The following FAM120A variants were observed in gnomAD, a reference collection of about 807,000 sequenced individuals.
FAM120A encodes the protein constitutive coactivator of PPAR-gamma-like protein 1.
Under a neutral mutation model 109.7 loss-of-function variants are expected in FAM120A, and 15 were observed. That is an observed-to-expected ratio of 0.14 (90% confidence interval 0.09 to 0.21). The LOEUF is 0.21. Among genes scored for constraint, FAM120A ranks in the 10% least tolerant of loss-of-function variants. The probability of loss-of-function intolerance (pLI) is 1.00; values close to 1 mark genes in which losing one functional copy is unlikely to be tolerated. For synonymous variants in FAM120A, 493 were observed against 572.8 expected (o/e 0.86, Z 1.99); for missense variants, 899 against 1,439.3 (o/e 0.62, Z 6.07).
chr9:93,465,221 ATTGTATTGTCT>A (rs1386057309), intron 1 of FAM120A, among the ~76,000 whole-genome samples: 1 of 152,184 alleles, frequency 6.6e-6, no homozygotes, highest in Admixed American at 6.5e-5. Context: ...CAAACCTTGC[ATTGTATTGTCT>A]TTTTACCCCT....
intron 10 of FAM120A, among the ~76,000 whole-genome samples, chr9:93,542,948 A>G (rs919344614): frequency 1.3e-5 from 2 of 152,254 alleles, no homozygotes; most frequent in Admixed American, 6.5e-5. Context: ...ATTTATGCAT[A>G]CTAGTTATAT....
intron 3 of FAM120A, among the ~76,000 whole-genome samples, chr9:93,493,439 G>T (rs1859423557): frequency 6.6e-6 from 1 of 152,192 alleles, no homozygotes; most frequent in African/African-American, 2.4e-5. Flanking sequence ...AGGGCCCAAA[G>T]ATGTGGAATC....
chr9:93,525,845 C>G (rs937907378), intron 7 of FAM120A, among the ~76,000 whole-genome samples: 2 of 152,206 alleles, frequency 1.3e-5, no homozygotes, highest in African/African-American at 4.8e-5. Context: ...TCTCCAAGCT[C>G]CATGAAGACC....
chr9:93,534,540 C>T (rs1007911736), intron 10 of FAM120A, among the ~76,000 whole-genome samples: 4 of 152,140 alleles, frequency 2.6e-5, no homozygotes, highest in African/African-American at 9.7e-5. Context: ...GGCACTGGGT[C>T]TTCTCTTGAG....
chr9:93,516,361 C>T, intron 7 of FAM120A, 92 bp downstream of exon 7: 1 of 1,560,352 alleles, frequency 6.4e-7, no homozygotes. Flanking sequence ...GTGTTTTGCT[C>T]AGAGATGTAG....
intron 7 of FAM120A, among the ~76,000 whole-genome samples, chr9:93,522,662 T>G (rs1268638131): frequency 1.3e-5 from 2 of 152,244 alleles, no homozygotes; most frequent in African/African-American, 4.8e-5. Context: ...CCTTGTGACC[T>G]TGTTTGTATA....
At position 93,564,784 on chromosome 9, in the gene FAM120A, C is replaced by T. The variant is rs1212198289; in HGVS notation, c.*244C>T. The T allele has an allele frequency of 7.4e-6, 3 of 407,762 alleles. No individual in the cohort carries two copies. Among genetic ancestry groups the T allele is most frequent in the Admixed American group, 4.0e-5 (1 of 24,754 alleles). 25.3% of individuals were successfully genotyped at this position (407,762 alleles called of 1,614,324 possible). On this transcript the variant is annotated 3_prime_UTR_variant, in exon 18 of 18. Transcript: ENST00000277165. Reference sequence around the variant, plus strand: ...AAGAAAATGAAGAGCATTTGACTCCCGCACTTAAAATGAAGTACACATAAA... The same window carrying T: ...AAGAAAATGAAGAGCATTTGACTCCTGCACTTAAAATGAAGTACACATAAA...
rs6151079 is a variant in FAM120A, at chr9:93,502,565, T to TACACACACACACACAC, written c.1030+3698_1030+3713dup. On this transcript the variant is annotated intron_variant, in intron 5 of 17. Coordinates refer to ENST00000277165, the MANE Select transcript of FAM120A (RefSeq NM_014612.5). ...AGTGTAGAGTTCTTAGGAGGACACA[T>TACACACACACACACAC]ACACACACACACACACACACACACA... is the stretch of plus-strand genomic sequence containing the variant. Among the ~76,000 whole-genome samples, 38 of 146,800 alleles carry TACACACACACACACAC rather than the reference T, an allele frequency of 2.6e-4. 1 individual carries two copies. Among genetic ancestry groups the TACACACACACACACAC allele is most frequent in the East Asian group, 4.0e-4 (2 of 5,006 alleles).
At chr9:93,488,115 G>GT (rs1859144519) in intron 3 of FAM120A, among the ~76,000 whole-genome samples, 1 of 152,052 alleles carries the variant, frequency 6.6e-6, no homozygotes, top group African/African-American at 2.4e-5. Flanking sequence ...CTTCTTGAGC[G>GT]TTTGTCATTG....
At chr9:93,540,404 T>A (rs77282503) in intron 10 of FAM120A, among the ~76,000 whole-genome samples, 6,791 of 152,302 alleles carry the variant, frequency 0.045, 515 homozygotes, top group African/African-American at 0.15. Context: ...GTTCTTGTCA[T>A]AACTGTTGCA....
At chr9:93,465,518 T>C (rs1857977535) in intron 1 of FAM120A, among the ~76,000 whole-genome samples, 1 of 152,264 alleles carries the variant, frequency 6.6e-6, no homozygotes, top group East Asian at 1.9e-4. Context: ...GTTCATCTAA[T>C]AAAGTGGTTT....
rs190900527 is a variant in FAM120A at position 93,527,699 on chromosome 9, T to G, written c.1506+457T>G. ...GTACAGTGGCGTGATCTCAGCTCAC[T>G]GAAACCTCTGCCCCCTGGGTTCAAG... is the stretch of plus-strand genomic sequence containing the variant. On this transcript the variant is annotated intron_variant, in intron 8 of 17. Coordinates refer to ENST00000277165, the MANE Select transcript of FAM120A (RefSeq NM_014612.5). Among the ~76,000 whole-genome samples, 18 of 132,516 alleles carry G rather than the reference T, an allele frequency of 1.4e-4. No individual in the cohort carries two copies. In the Admixed American group the frequency reaches 1.6e-3, roughly 12 times the overall value. 86.9% of individuals were successfully genotyped at this position (132,516 alleles called of 152,430 possible).
rs1457536233 is a variant in FAM120A at position 93,532,513 on chromosome 9, A to T, written c.1909+184A>T. ...CTTAGAAAAGGAGGAGAAGCCACAG[A>T]CTTTCTTCCTCAGTAACATTCCAAT... On this transcript the variant is annotated intron_variant, in intron 10 of 17. Transcript: ENST00000277165. The surrounding 1 kb of genome is among the most constrained non-coding windows in gnomAD (Gnocchi z 4.3). 2 of 608,884 alleles carry T rather than the reference A, an allele frequency of 3.3e-6. No individual in the cohort carries two copies. Among genetic ancestry groups the T allele is most frequent in the Admixed American group, 3.0e-5 (1 of 33,874 alleles). The allele number at this position is 608,884 out of a possible 1,614,324, so 37.7% of individuals were successfully genotyped here.
Position 93,452,713 on chromosome 9 carries a change from A to G in FAM120A, c.474+324A>G, listed in dbSNP as rs763457977. On this transcript the variant is annotated intron_variant, in intron 1 of 17. Coordinates refer to ENST00000277165, the MANE Select transcript of FAM120A (RefSeq NM_014612.5). The surrounding 1 kb of genome is among the most constrained non-coding windows in gnomAD (Gnocchi z 7.0). ...CAATATCCTTAGTTTTTCCCATCCT[A>G]TTTGAGGCGGGCAGGCTATCACTCA... 1.3e-6 allele frequency: 2 copies of G among 1,598,228 alleles called. No individual in the cohort carries two copies. Among genetic ancestry groups the G allele is most frequent in the Non-Finnish European group, 1.7e-6 (2 of 1,179,808 alleles).
In FAM120A at chr9:93,532,469, G is replaced by T; in HGVS notation, c.1909+140G>T. On this transcript the variant is annotated intron_variant, in intron 10 of 17. Transcript: ENST00000277165. This position sits in a 1 kb window ranked among gnomAD's most constrained non-coding sequence, Gnocchi z 4.3. ...AGGAGGTGGGCCCATCATCGGGGCA[G>T]TAGGCCAGGGTAAAGGCTCTTAGAA... 3.7e-6 allele frequency: 3 copies of T among 802,664 alleles called. No homozygotes were observed. In the South Asian group the frequency reaches 4.8e-5, roughly 13 times the overall value. 49.7% of individuals were successfully genotyped at this position (802,664 alleles called of 1,614,324 possible). A position where few individuals can be genotyped will look rare whatever the true frequency, so the allele number is the denominator to read the frequency against.
chr9:93,469,971 G>A (rs1345194930), intron 1 of FAM120A, among the ~76,000 whole-genome samples: 1 of 152,180 alleles, frequency 6.6e-6, no homozygotes, highest in Admixed American at 6.5e-5. Flanking sequence ...AGAATGTTCT[G>A]TGCTGTCCAA....
At chr9:93,531,370 G>C (rs1338236349) in intron 9 of FAM120A, 1 of 152,170 alleles carries the variant, frequency 6.6e-6, no homozygotes. Context: ...ATGCATTGTT[G>C]TGCTCTGAGT....
chr9:93,497,461 G>C lies in FAM120A; in HGVS notation c.805-10G>C. The C allele has an allele frequency of 6.2e-7, 1 of 1,612,160 alleles. No individual in the cohort carries two copies. The highest frequency in any genetic ancestry group is 8.5e-7 in the Non-Finnish European group (1 of 1,179,446). On this transcript the variant is annotated splice_polypyrimidine_tract_variant and intron_variant, in intron 3 of 17. Transcript: ENST00000277165. ...CCATCCACTGTTGACACTTACGTTTGTTTTCTCAGGTCCGGGCCCACCAGC... is the reference window on the plus strand; with the variant it reads ...CCATCCACTGTTGACACTTACGTTTCTTTTCTCAGGTCCGGGCCCACCAGC...
intron 1 of FAM120A, chr9:93,453,056 A>T (rs1857351580): frequency 9.0e-7 from 1 of 1,105,214 alleles, no homozygotes; most frequent in Admixed American, 5.2e-5. Flanking sequence ...GCACTTTGAC[A>T]GGATGGGATT....
Sources: gnomAD v4.1 joint callset for allele counts (sites outside exome capture counted in the v4.1 genomes callset) on GRCh38, gnomAD v4.1.1 for gene constraint, Gnocchi (gnomAD v3.1) non-coding constraint, MANE v1.5 for transcripts, NCBI Gene and HGNC (gene_info 2026-07-23, HGNC 2026-07-21) for gene names.